The following CFAP95 variants were observed in gnomAD, a reference collection of about 807,000 sequenced individuals.
CFAP95 encodes cilia- and flagella-associated protein 95.
the CFAP95 span, among the ~76,000 whole-genome samples, chr9:69,903,446 T>C: frequency 2.2e-4 from 34 of 152,202 alleles, no homozygotes; most frequent in East Asian, 5.4e-3. Context: ...CCCTGGAAAA[T>C]GGGAGAAGCG....
chr9:69,857,868 C>T, the CFAP95 span: 2 of 1,579,710 alleles, frequency 1.3e-6, no homozygotes, highest in Admixed American at 1.7e-5. Context: ...TTACACATTA[C>T]ACTCTAACAA....
the CFAP95 span, chr9:69,906,135 A>G: frequency 1.9e-6 from 3 of 1,594,606 alleles, no homozygotes; most frequent in Admixed American, 1.8e-5. Flanking sequence ...GTGCCAATTT[A>G]AAAATAATGT....
the CFAP95 span, among the ~76,000 whole-genome samples, chr9:69,828,170 T>C: frequency 8.5e-5 from 13 of 152,222 alleles, no homozygotes; most frequent in Non-Finnish European, 8.8e-5. Flanking sequence ...AATTTCATTT[T>C]GTCAGTCAGA....
the CFAP95 span, among the ~76,000 whole-genome samples, chr9:69,837,192 C>A: frequency 3.3e-5 from 5 of 152,122 alleles, no homozygotes; most frequent in Non-Finnish European, 5.9e-5. Flanking sequence ...AATAAATATA[C>A]GTGTGCATGT....
chr9:69,875,297 T>C, the CFAP95 span, among the ~76,000 whole-genome samples: 1 of 152,328 alleles, frequency 6.6e-6, no homozygotes, highest in African/African-American at 2.4e-5. Flanking sequence ...TTCAATATTA[T>C]AAAAGTTTCC....
At chr9:69,822,178 C>T in the CFAP95 span, among the ~76,000 whole-genome samples, 8 of 151,664 alleles carry the variant, frequency 5.3e-5, no homozygotes, top group East Asian at 1.9e-4. Flanking sequence ...TTGGGAGGGG[C>T]GTGAAGAAAA....
At chr9:69,872,827 A>G in the CFAP95 span, among the ~76,000 whole-genome samples, 3 of 152,192 alleles carry the variant, frequency 2.0e-5, no homozygotes, top group Non-Finnish European at 2.9e-5. Context: ...AAAGGGCTGT[A>G]TATACAAAGC....
the CFAP95 span, among the ~76,000 whole-genome samples, chr9:69,859,690 G>A: frequency 7.2e-5 from 11 of 152,206 alleles, no homozygotes; most frequent in Middle Eastern, 6.8e-3. Context: ...GCATAATGTC[G>A]GGGATATGTT....
At chr9:69,844,481 C>G in the CFAP95 span, 13 of 1,373,406 alleles carry the variant, frequency 9.5e-6, 1 homozygote, top group South Asian at 1.7e-4. Flanking sequence ...AATAAATAAA[C>G]TACATCTCTT....
chr9:69,863,983 T>C, the CFAP95 span, among the ~76,000 whole-genome samples: 1 of 152,084 alleles, frequency 6.6e-6, no homozygotes, highest in Non-Finnish European at 1.5e-5. Flanking sequence ...GAAAAATCAG[T>C]TCAGGCAGGG....
At chr9:69,849,192 G>T in the CFAP95 span, among the ~76,000 whole-genome samples, 1 of 152,162 alleles carries the variant, frequency 6.6e-6, no homozygotes, top group African/African-American at 2.4e-5. Context: ...CGAGCTCTAT[G>T]AAAGTGGGGA....
the CFAP95 span, among the ~76,000 whole-genome samples, chr9:69,872,189 T>C: frequency 3.9e-5 from 6 of 152,210 alleles, no homozygotes; most frequent in Non-Finnish European, 5.9e-5. Flanking sequence ...CAGTTACTTT[T>C]GCACCAACCT....
At chr9:69,860,978 A>G in the CFAP95 span, among the ~76,000 whole-genome samples, 1 of 152,158 alleles carries the variant, frequency 6.6e-6, no homozygotes, top group African/African-American at 2.4e-5. Context: ...TTTTTTAAAT[A>G]AGTAGAAGAA....
chr9:69,857,938 G>C, the CFAP95 span: 22 of 1,613,886 alleles, frequency 1.4e-5, no homozygotes, highest in African/African-American at 2.4e-4. Context: ...ACAGGTTTTG[G>C]AGCTGTCTTT....
the CFAP95 span, among the ~76,000 whole-genome samples, chr9:69,887,233 A>C: frequency 1.3e-5 from 2 of 152,218 alleles, no homozygotes; most frequent in African/African-American, 2.4e-5. Context: ...CATAAAAATA[A>C]GTGGCTTAAT....
chr9:69,856,808 C>T, the CFAP95 span: 3 of 507,262 alleles, frequency 5.9e-6, no homozygotes. Flanking sequence ...AGCTTCCATG[C>T]TTTCTGCTCA....
the CFAP95 span, among the ~76,000 whole-genome samples, chr9:69,848,716 C>T: frequency 1.3e-5 from 2 of 152,150 alleles, no homozygotes; most frequent in African/African-American, 2.4e-5. Context: ...GCCCCCTGTT[C>T]CCAGTATAGT....
the CFAP95 span, among the ~76,000 whole-genome samples, chr9:69,873,383 C>G: frequency 6.6e-6 from 1 of 152,020 alleles, no homozygotes; most frequent in African/African-American, 2.4e-5. Flanking sequence ...AGGAAATGAC[C>G]GGCATGTCTG....
the CFAP95 span, among the ~76,000 whole-genome samples, chr9:69,821,401 C>A: frequency 3.9e-5 from 6 of 152,100 alleles, no homozygotes; most frequent in East Asian, 7.8e-4. Flanking sequence ...GCAGCCAAAT[C>A]CCCGCCACCT....
Sources: gnomAD v4.1 joint callset for allele counts (sites outside exome capture counted in the v4.1 genomes callset) on GRCh38, gnomAD v4.1.1 for gene constraint, MANE v1.5 for transcripts, NCBI Gene and HGNC (gene_info 2026-07-23, HGNC 2026-07-21) for gene names.